XPOT: variants seen among roughly 807,000 people sequenced by gnomAD.
The protein encoded by XPOT is exportin-T.
Under a neutral mutation model 128.2 loss-of-function variants are expected in XPOT, and 34 were observed. The ratio of observed to expected loss-of-function variants is 0.27; its 90% CI spans 0.20 to 0.35. The LOEUF is 0.35. XPOT is among the 10% of genes least tolerant of loss of function. XPOT has a pLI of 1.00. For synonymous variants in XPOT, 348 were observed against 394.3 expected, an observed-to-expected ratio of 0.88 and a Z score of 1.39; for missense variants, 838 against 1,125.3, an observed-to-expected ratio of 0.74 and a Z score of 3.65.
Position 64,449,617 on chromosome 12 carries a change from G to T in XPOT, c.*1486G>T, listed in dbSNP as rs2040394301. On this transcript the variant is annotated 3_prime_UTR_variant, in exon 25 of 25. Coordinates refer to ENST00000332707, the MANE Select transcript of XPOT (RefSeq NM_007235.6). ...AATTTTGTACATTTATTTTGTTCCG[G>T]TTAATTCCAGAAGACATTTCAAACA... 1 of 152,130 alleles carries T rather than the reference G, an allele frequency of 6.6e-6. No individual in the cohort carries two copies. Among genetic ancestry groups the T allele is most frequent in the African/African-American group, 2.4e-5 (1 of 41,418 alleles). The allele number at this position is 152,130 out of a possible 1,614,324, so 9.4% of individuals were successfully genotyped here.
rs143001815 is a variant in XPOT, at chr12:64,415,874, G to A, written c.144-824G>A. Among the ~76,000 whole-genome samples the A allele has an allele frequency of 4.2e-4, 64 of 152,236 alleles. No individual in the cohort carries two copies. The East Asian group carries it at 9.5e-3, about 22-fold the overall frequency. ...TGAGTGACGATCCATAGATTTTTAAGATATTTGTCCCCGCCTCTCAAGTCT... is the reference window on the plus strand; with the variant it reads ...TGAGTGACGATCCATAGATTTTTAAAATATTTGTCCCCGCCTCTCAAGTCT... On this transcript the variant is annotated intron_variant, in intron 3 of 24. Transcript: ENST00000332707.
At chr12:64,416,655 A>C in intron 3 of XPOT, 43 bp from the exon 4 acceptor site, 2 of 1,497,808 alleles carry the variant, frequency 1.3e-6, no homozygotes, top group Non-Finnish European at 1.8e-6. Flanking sequence ...TGTTTTCCTC[A>C]GTTCATATTC....
At chr12:64,439,612 A>AT (rs1272471277) in intron 23 of XPOT, among the ~76,000 whole-genome samples, 2 of 152,126 alleles carry the variant, frequency 1.3e-5, no homozygotes, top group African/African-American at 4.8e-5. Context: ...TGTTTTATGC[A>AT]TTTTTTTAAA....
intron 22 of XPOT, among the ~76,000 whole-genome samples, chr12:64,437,602 T>C (rs563106020): frequency 6.6e-6 from 1 of 151,102 alleles, no homozygotes; most frequent in African/African-American, 2.4e-5. Context: ...ATAAAAGCCT[T>C]GTGTTACATG....
chr12:64,428,167 C>A (rs2040208749), intron 16 of XPOT, 47 bp downstream of exon 16: 1 of 1,290,792 alleles, frequency 7.7e-7, no homozygotes, highest in South Asian at 1.3e-5. Context: ...TTCATTGAAG[C>A]CACACGTGCC....
At chr12:64,419,138 G>T (rs758683888) in intron 6 of XPOT, 44 bp downstream of exon 6, 165 of 1,534,858 alleles carry the variant, frequency 1.1e-4, no homozygotes, top group Non-Finnish European at 4.5e-5. Flanking sequence ...TGTAAGTTTT[G>T]TAGGTGATAA....
At chr12:64,405,137 C>G (rs1266807879) in intron 1 of XPOT, 1 of 152,236 alleles carries the variant, frequency 6.6e-6, no homozygotes, top group African/African-American at 2.4e-5. Flanking sequence ...GCCTGTGGTT[C>G]CGAAGCCCGT....
rs752442660 is a variant in XPOT, at chr12:64,430,219, G to A, written c.1908G>A (p.Met636Ile). Reference sequence around the variant, plus strand: ...TTAAAATTCTGTTAGAAAAGTTGATGCTGGCACAAGATGAAGAAAGGCAAG... The same window carrying A: ...TTAAAATTCTGTTAGAAAAGTTGATACTGGCACAAGATGAAGAAAGGCAAG... ...EKFKILLEKLMLAQDEERQAS... is the reference protein window; with the variant it reads ...EKFKILLEKLILAQDEERQAS... The change falls in exon 17 of 25, where the codon ATG becomes ATA. Residue 636 changes from methionine (M) to isoleucine (I), a missense_variant. Physicochemically the swap from Met to Ile is conservative, Grantham distance 10. Coordinates refer to ENST00000332707, the MANE Select transcript of XPOT (RefSeq NM_007235.6). 3.1e-6 allele frequency: 5 copies of A among 1,612,940 alleles called. No homozygotes were observed. The African/African-American group carries it at 6.7e-5, about 22-fold the overall frequency.
chr12:64,429,982 A>G, intron 16 of XPOT, 67 bp from the exon 17 acceptor site: 2 of 1,389,544 alleles, frequency 1.4e-6, no homozygotes, highest in Non-Finnish European at 2.0e-6. Flanking sequence ...TTCCTAATGC[A>G]CTTTTTCTCA....
chr12:64,434,608 T>C lies in XPOT; in HGVS notation c.2554T>C (p.Leu852=). ...QKTCFIILSK[L]VELWGGKDGP... is the part of the protein sequence containing the mutation. ...AACATGTTTTATCATCCTCTCAAAG[T>C]TGGTAGAACTCTGGGGTAAGATAAT... The change falls in exon 20 of 25, where the codon TTG becomes CTG. Residue 852 remains leucine (L), a synonymous_variant. Transcript: ENST00000332707. 6.2e-7 allele frequency: 1 copy of C among 1,613,548 alleles called. No individual in the cohort carries two copies. The highest frequency in any genetic ancestry group is 1.1e-5 in the South Asian group (1 of 91,062).
intron 4 of XPOT, 71 bp from the exon 5 acceptor site, chr12:64,417,975 G>T: frequency 8.1e-7 from 1 of 1,231,474 alleles, no homozygotes; most frequent in South Asian, 1.4e-5. Flanking sequence ...TCAAATATAT[G>T]AGGCTGTTAT....
intron 19 of XPOT, among the ~76,000 whole-genome samples, chr12:64,433,844 A>G (rs1296603363): frequency 6.6e-6 from 1 of 152,218 alleles, no homozygotes; most frequent in Non-Finnish European, 1.5e-5. Context: ...TTAGCAATAT[A>G]AATAACATGG....
chr12:64,430,677 G>C (rs1339676888), intron 17 of XPOT, among the ~76,000 whole-genome samples: 1 of 152,148 alleles, frequency 6.6e-6, no homozygotes, highest in African/African-American at 2.4e-5. Context: ...CCAAGCAGCT[G>C]TTTTTTCCGC....
At chr12:64,406,110 C>T (rs989903064) in intron 1 of XPOT, among the ~76,000 whole-genome samples, 2 of 152,228 alleles carry the variant, frequency 1.3e-5, no homozygotes, top group Non-Finnish European at 2.9e-5. Flanking sequence ...GTGTCTCACT[C>T]TGTCGCCCAG....
At chr12:64,409,190 A>G (rs1052182556) in intron 1 of XPOT, among the ~76,000 whole-genome samples, 1 of 152,166 alleles carries the variant, frequency 6.6e-6, no homozygotes, top group African/African-American at 2.4e-5. Flanking sequence ...CAGCCATTCT[A>G]ATGTTTTAAA....
In XPOT at chr12:64,429,687, G is replaced by A. The variant is rs568738765; in HGVS notation, c.1738-362G>A. On this transcript the variant is annotated intron_variant, in intron 16 of 24. Coordinates refer to ENST00000332707, the MANE Select transcript of XPOT (RefSeq NM_007235.6). ...AACTCCTGACCTCAAGTGATCTGCCGGCCTCGGCCTCCCAAAGTGCTAGGA... is the reference window on the plus strand; with the variant it reads ...AACTCCTGACCTCAAGTGATCTGCCAGCCTCGGCCTCCCAAAGTGCTAGGA... 1.8e-4 allele frequency among the ~76,000 whole-genome samples: 28 copies of A among 152,064 alleles called. 1 individual carries two copies. The South Asian group carries it at 4.4e-3, about 24-fold the overall frequency.
chr12:64,430,558 G>GGT (rs59305881), intron 17 of XPOT, among the ~76,000 whole-genome samples: 2 of 151,832 alleles, frequency 1.3e-5, no homozygotes, highest in Admixed American at 6.6e-5. Context: ...CAGCTGAAGT[G>GGT]TTAATATACC....
chr12:64,427,285 A>C (rs112594016), intron 15 of XPOT, among the ~76,000 whole-genome samples: 2 of 151,512 alleles, frequency 1.3e-5, no homozygotes, highest in East Asian at 3.9e-4. Flanking sequence ...ACACCCGGCT[A>C]ATTTTTTGTA....
At chr12:64,429,783 A>G (rs2040223533) in intron 16 of XPOT, among the ~76,000 whole-genome samples, 1 of 152,208 alleles carries the variant, frequency 6.6e-6, no homozygotes, top group Non-Finnish European at 1.5e-5. Context: ...TTTACAAAAG[A>G]AAACAAGTTA....
Sources: gnomAD v4.1 joint callset for allele counts (sites outside exome capture counted in the v4.1 genomes callset) on GRCh38, gnomAD v4.1.1 for gene constraint, MANE v1.5 for transcripts, NCBI Gene and HGNC (gene_info 2026-07-23, HGNC 2026-07-21) for gene names.